The following STARD13 variants were observed in gnomAD, a reference collection of about 807,000 sequenced individuals.
STARD13 encodes the protein stAR-related lipid transfer protein 13.
A neutral mutation model predicts 106.4 loss-of-function variants in STARD13; 62 were observed. That is an observed-to-expected ratio of 0.58 (90% CI 0.48 to 0.72). The LOEUF (loss-of-function observed/expected upper bound fraction) is 0.72. Among genes scored for constraint, STARD13 ranks in the 30% least tolerant of loss-of-function variants. STARD13 has a pLI of 0.00. For missense variants in STARD13, 1,387 were observed against 1,424.0 expected (o/e 0.97, Z 0.42); for synonymous variants, 565 against 553.0 (o/e 1.02, Z -0.31).
chr13:33,140,042 C>A (rs1340665575), intron 4 of STARD13, among the ~76,000 whole-genome samples: 1 of 152,204 alleles, frequency 6.6e-6, no homozygotes, highest in Non-Finnish European at 1.5e-5. Flanking sequence ...AGGGCGTGTG[C>A]CACTAGATGC....
At chr13:33,443,095 TG>T in the STARD13 span, among the ~76,000 whole-genome samples, 6 of 152,154 alleles carry the variant, frequency 3.9e-5, no homozygotes, top group African/African-American at 1.4e-4. Context: ...ATGGTTAGGA[TG>T]GGCTGGGCGC....
intron 1 of STARD13, chr13:33,273,004 C>T (rs1354124919): frequency 6.6e-6 from 1 of 152,192 alleles, no homozygotes; most frequent in Non-Finnish European, 1.5e-5. Context: ...TGCATGCCGC[C>T]AAGTTTCCTT....
chr13:33,128,894 G>C (rs1040725441), intron 5 of STARD13, 35 bp downstream of exon 5: 10 of 1,556,734 alleles, frequency 6.4e-6, no homozygotes, highest in African/African-American at 2.7e-5. Flanking sequence ...CTATGAAATG[G>C]ATGAAAAATC....
At chr13:33,416,565 G>T in the STARD13 span, among the ~76,000 whole-genome samples, 1 of 152,170 alleles carries the variant, frequency 6.6e-6, no homozygotes, top group African/African-American at 2.4e-5. Context: ...TAAATCACAG[G>T]TTCTTTTTCA....
the STARD13 span, among the ~76,000 whole-genome samples, chr13:33,625,616 G>A: frequency 6.6e-6 from 1 of 151,930 alleles, no homozygotes; most frequent in Admixed American, 6.6e-5. Flanking sequence ...CTGGGTGTCT[G>A]GCCTTCCACA....
the STARD13 span, among the ~76,000 whole-genome samples, chr13:33,499,926 A>G: frequency 0.3 from 45,196 of 151,382 alleles, 7,615 homozygotes; most frequent in Non-Finnish European, 0.39. Flanking sequence ...TGCTGTGCCC[A>G]GCAAATTTTT....
the STARD13 span, among the ~76,000 whole-genome samples, chr13:33,496,229 A>G: frequency 1.4e-5 from 2 of 147,108 alleles, no homozygotes; most frequent in Admixed American, 6.8e-5. Context: ...AATATAATTT[A>G]TAGTATAAAT....
chr13:33,490,953 C>A, the STARD13 span, among the ~76,000 whole-genome samples: 1 of 152,336 alleles, frequency 6.6e-6, no homozygotes, highest in South Asian at 2.1e-4. Context: ...CTGCATGCTC[C>A]TCCTCTCACA....
the STARD13 span, among the ~76,000 whole-genome samples, chr13:33,643,882 GGATGGGGAGATGGGCTAA>G: frequency 6.6e-6 from 1 of 152,198 alleles, no homozygotes; most frequent in Non-Finnish European, 1.5e-5. Context: ...GAGAGAGGCT[GGATGGGGAGATGGGCTAA>G]GATTCAAAAC....
At chr13:33,653,926 A>G in the STARD13 span, among the ~76,000 whole-genome samples, 5 of 152,210 alleles carry the variant, frequency 3.3e-5, no homozygotes, top group East Asian at 9.6e-4. Flanking sequence ...ACACATGAAA[A>G]TATTTCCAAC....
chr13:33,489,779 G>A, the STARD13 span, among the ~76,000 whole-genome samples: 2 of 152,110 alleles, frequency 1.3e-5, no homozygotes, highest in Non-Finnish European at 2.9e-5. Context: ...ATCACTTCAA[G>A]TTTTCTTTTC....
chr13:33,175,800 T>TA (rs973052082), intron 1 of STARD13, among the ~76,000 whole-genome samples: 2 of 152,210 alleles, frequency 1.3e-5, no homozygotes, highest in Non-Finnish European at 2.9e-5. Flanking sequence ...TTTTAAATGT[T>TA]AAAAAAATGC....
chr13:33,226,909 TA>T (rs199847398), intron 1 of STARD13, among the ~76,000 whole-genome samples: 1 of 152,228 alleles, frequency 6.6e-6, no homozygotes, highest in Admixed American at 6.5e-5. Flanking sequence ...TAACTGTTTT[TA>T]AAGATTTTTA....
chr13:33,658,994 G>A, the STARD13 span, among the ~76,000 whole-genome samples: 2 of 152,216 alleles, frequency 1.3e-5, no homozygotes, highest in South Asian at 2.1e-4. Flanking sequence ...TTCCTGGAGG[G>A]TGGCAAGCCC....
chr13:33,319,892 A>G (rs1037964539), intron 1 of STARD13, among the ~76,000 whole-genome samples: 1 of 152,230 alleles, frequency 6.6e-6, no homozygotes, highest in Non-Finnish European at 1.5e-5. Flanking sequence ...ATGAGGCTCT[A>G]TAGCATGATA....
chr13:33,348,484 A>G (rs1359072577), downstream of STARD13: 1 of 152,392 alleles, frequency 6.6e-6, no homozygotes, highest in Non-Finnish European at 1.5e-5. Context: ...CAGGTTCTAT[A>G]AAAACCCAGC....
intron 3 of STARD13, among the ~76,000 whole-genome samples, chr13:33,148,205 A>G (rs983164417): frequency 4.6e-5 from 7 of 152,250 alleles, no homozygotes; most frequent in African/African-American, 1.7e-4. Context: ...CATGAAAGAA[A>G]TAACTGATAA....
At chr13:33,189,435 GGA>G (rs1886069641) in intron 1 of STARD13, among the ~76,000 whole-genome samples, 1 of 50,922 alleles carries the variant, frequency 2.0e-5, no homozygotes, top group Non-Finnish European at 3.6e-5. Flanking sequence ...TCCTCCTTTC[GGA>G]GGAAGGAGGG....
At chr13:33,564,864 A>G in the STARD13 span, among the ~76,000 whole-genome samples, 4 of 145,282 alleles carry the variant, frequency 2.8e-5, no homozygotes, top group Non-Finnish European at 4.5e-5. Flanking sequence ...ATGGTGGCAC[A>G]CGCCTATGGT....
Sources: allele counts gnomAD v4.1 joint callset (sites outside exome capture counted in the v4.1 genomes callset), GRCh38; gene constraint gnomAD v4.1.1; transcripts MANE v1.5; gene names NCBI Gene and HGNC (gene_info 2026-07-23, HGNC 2026-07-21).